Variants in WDR27 observed in about 807,000 individuals in gnomAD.
WDR27 encodes WD repeat domain 27.
WDR27 carries 100 observed loss-of-function variants against 114.4 expected under a neutral mutation model. The observed-to-expected ratio is 0.87, with a 90% confidence interval of 0.74 to 1.03. The LOEUF is 1.03. Ranked by LOEUF, WDR27 falls within the 50% of genes least tolerant of loss-of-function variation. The pLI, the probability that WDR27 is intolerant of heterozygous loss-of-function variation, is 0.00. For synonymous variants in WDR27, 449 were observed against 423.1 expected, an observed-to-expected ratio of 1.06 and a Z score of -0.75; for missense variants, 1,129 against 1,092.9, an observed-to-expected ratio of 1.03 and a Z score of -0.47.
chr6:169,494,833 G>GC (rs1790198294), intron 25 of WDR27, among the ~76,000 whole-genome samples: 1 of 152,108 alleles, frequency 6.6e-6, no homozygotes, highest in South Asian at 2.1e-4. Flanking sequence ...TTTGTCTCAA[G>GC]CTCCAGTAAT....
intron 25 of WDR27, among the ~76,000 whole-genome samples, chr6:169,514,715 A>C (rs1793401944): frequency 6.7e-6 from 1 of 148,314 alleles, no homozygotes; most frequent in African/African-American, 2.5e-5. Flanking sequence ...ACATTGTTAA[A>C]GACATCATTC....
chr6:169,674,147 T>C (rs1554374337), intron 2 of WDR27, among the ~76,000 whole-genome samples: 1 of 152,176 alleles, frequency 6.6e-6, no homozygotes, highest in Non-Finnish European at 1.5e-5. Flanking sequence ...ATACTTTTTT[T>C]TCATATACAA....
intron 7 of WDR27, chr6:169,665,259 G>A: frequency 7.6e-7 from 1 of 1,321,836 alleles, no homozygotes; most frequent in Admixed American, 3.6e-5. Flanking sequence ...CACGCATGGA[G>A]CTCTGGGACA....
chr6:169,455,008 C>T (rs1186473492), downstream of WDR27, among the ~76,000 whole-genome samples: 2 of 152,222 alleles, frequency 1.3e-5, no homozygotes, highest in Non-Finnish European at 2.9e-5. Flanking sequence ...GGCTCTGGTA[C>T]CAGGCGACCC....
At chr6:169,650,294 A>C (rs1584902159) in intron 14 of WDR27, among the ~76,000 whole-genome samples, 3 of 76,506 alleles carry the variant, frequency 3.9e-5, no homozygotes, top group Admixed American at 3.2e-4. Flanking sequence ...TCCATCCCTC[A>C]TCTCTGCATC....
intron 6 of WDR27, 107 bp from the exon 7 acceptor site, chr6:169,665,663 T>TA (rs3839651): frequency 0.11 from 110,487 of 1,039,572 alleles, 7,846 homozygotes; most frequent in East Asian, 0.28. Context: ...TTACTTACAG[T>TA]ATTTCTGTTA....
Position 169,457,596 on chromosome 6 carries a change from A to G in WDR27, c.2684T>C (p.Phe895Ser), listed in dbSNP as rs765653497. The G allele has an allele frequency of 1.9e-6, 3 of 1,552,278 alleles. No homozygotes were observed. Among genetic ancestry groups the G allele is most frequent in the African/African-American group, 2.7e-5 (2 of 73,122 alleles). Residue 895 changes from phenylalanine to serine, a missense_variant, in exon 26 of 26, where the codon TTC (phenylalanine) becomes TCC (serine). Phe to Ser is a radical substitution (Grantham distance 155). Coordinates refer to ENST00000448612, the MANE Select transcript of WDR27 (RefSeq NM_182552.5). ...QLPWMVNSSS[F>S] is the part of the protein sequence containing the mutation. Reference sequence around the variant, plus strand: ...CACAGGTCAGTGGTTACTCAGCTAGAAAGAGCTGGAGTTTACCATCCAAGG... The same window carrying G: ...CACAGGTCAGTGGTTACTCAGCTAGGAAGAGCTGGAGTTTACCATCCAAGG...
At chr6:169,571,666 C>A (rs1309208960) in intron 25 of WDR27, among the ~76,000 whole-genome samples, 3 of 152,262 alleles carry the variant, frequency 2.0e-5, no homozygotes, top group Non-Finnish European at 4.4e-5. Context: ...CATCTTAATA[C>A]AAACAATAAA....
At chr6:169,662,480 T>C (rs1195144586) in intron 8 of WDR27, 56 bp from the exon 9 acceptor site, 1 of 1,595,190 alleles carries the variant, frequency 6.3e-7, no homozygotes, top group East Asian at 2.2e-5. Context: ...TCCGTCAAGT[T>C]TAAAGGCTGA....
intron 6 of WDR27, 78 bp downstream of exon 6, chr6:169,667,058 T>C: frequency 1.4e-6 from 2 of 1,404,834 alleles, no homozygotes; most frequent in Non-Finnish European, 1.9e-6. Context: ...CAGCTCCATC[T>C]TATGCCCTGT....
chr6:169,604,711 A>C (rs1808748062), intron 22 of WDR27, among the ~76,000 whole-genome samples: 1 of 152,122 alleles, frequency 6.6e-6, no homozygotes, highest in Admixed American at 6.6e-5. Context: ...AATACTACCA[A>C]ACAGAATCCA....
chr6:169,494,282 G>T (rs78215215), intron 25 of WDR27, among the ~76,000 whole-genome samples: 3 of 152,102 alleles, frequency 2.0e-5, no homozygotes, highest in African/African-American at 4.8e-5. Context: ...CAAAAAGGCC[G>T]ACTCTCCCTT....
Position 169,541,498 on chromosome 6 carries a change from G to A in WDR27, c.2645+30921C>T, listed in dbSNP as rs577878725. On this transcript the variant is annotated intron_variant, in intron 25 of 25. Transcript: ENST00000448612. ...CTGTCAGACATGTCAATAAGAAAAC[G>A]TGTGCTGAGAATTGCAGAACCAGCC... Among the ~76,000 whole-genome samples, 4 of 152,332 alleles carry A rather than the reference G, an allele frequency of 2.6e-5. No homozygotes were observed. The East Asian group carries it at 7.7e-4, about 29-fold the overall frequency.
chr6:169,456,376 GT>G (rs1784345642), downstream of WDR27, among the ~76,000 whole-genome samples: 1 of 148,122 alleles, frequency 6.8e-6, no homozygotes, highest in Non-Finnish European at 1.5e-5. This position sits in a 1 kb window ranked among gnomAD's most constrained non-coding sequence, Gnocchi z 4.0. Flanking sequence ...GTGGTGGCTG[GT>G]GAAGCTCTGG....
At chr6:169,690,260 A>C (rs1325472698) in intron 1 of WDR27, among the ~76,000 whole-genome samples, 2 of 152,224 alleles carry the variant, frequency 1.3e-5, no homozygotes, top group Non-Finnish European at 2.9e-5. Context: ...TGCAGCCATC[A>C]CACTGGTCAC....
intron 25 of WDR27, among the ~76,000 whole-genome samples, chr6:169,552,260 C>T (rs1007477916): frequency 3.3e-5 from 5 of 152,156 alleles, no homozygotes; most frequent in Non-Finnish European, 5.9e-5. Context: ...CACTTCCTTC[C>T]GTTTAGCCAT....
chr6:169,499,257 G>A (rs1790801371), intron 25 of WDR27, among the ~76,000 whole-genome samples: 1 of 152,206 alleles, frequency 6.6e-6, no homozygotes, highest in South Asian at 2.1e-4. Flanking sequence ...CAGCACCGAG[G>A]GTGCACAGCA....
chr6:169,586,016 A>G (rs1804484078), intron 23 of WDR27, among the ~76,000 whole-genome samples: 1 of 152,182 alleles, frequency 6.6e-6, no homozygotes, highest in Non-Finnish European at 1.5e-5. Flanking sequence ...GTCGTGAAAG[A>G]CATCAAAAGC....
At chr6:169,599,451 C>G (rs1807494494) in intron 23 of WDR27, among the ~76,000 whole-genome samples, 1 of 152,106 alleles carries the variant, frequency 6.6e-6, no homozygotes, top group South Asian at 2.1e-4. Flanking sequence ...TGTTATTGGT[C>G]TATTCAGAGA....
Sources: allele counts gnomAD v4.1 joint callset (sites outside exome capture counted in the v4.1 genomes callset), GRCh38; gene constraint gnomAD v4.1.1; non-coding constraint Gnocchi (gnomAD v3.1); transcripts MANE v1.5; gene names NCBI Gene and HGNC (gene_info 2026-07-23, HGNC 2026-07-21).